JMJD1C: variants seen among roughly 807,000 people sequenced by gnomAD.
JMJD1C encodes the protein jumonji domain containing 1C, also known as jumonji domain-containing protein 1C.
A neutral mutation model predicts 245.3 loss-of-function variants in JMJD1C; 31 were observed. The ratio of observed to expected loss-of-function variants is 0.13; its 90% CI spans 0.09 to 0.17. JMJD1C has a LOEUF of 0.17. JMJD1C is among the 10% of genes least tolerant of loss of function. The pLI, the probability that JMJD1C is intolerant of heterozygous loss-of-function variation, is 1.00. For missense variants in JMJD1C, 2,691 were observed against 3,000.2 expected (o/e 0.90, Z 2.41); for synonymous variants, 1,057 against 1,017.4 (o/e 1.04, Z -0.74).
At chr10:63,521,876 G>T (rs1486535972), upstream of JMJD1C, 1 of 162,512 alleles carries the variant, frequency 6.2e-6, no homozygotes, top group Non-Finnish European at 1.3e-5. Context: ...GGCGGCGCTG[G>T]GTGGGCAGGC....
intron 18 of JMJD1C, among the ~76,000 whole-genome samples, chr10:63,187,903 TATATAAGGGC>T (rs1844320700): frequency 6.6e-6 from 1 of 152,184 alleles, no homozygotes; most frequent in Non-Finnish European, 1.5e-5. Context: ...CTTAGCATGA[TATATAAGGGC>T]ATTTCATGAT....
chr10:63,519,268 C>T (rs1205399304), intron 1 of JMJD1C, among the ~76,000 whole-genome samples: 1 of 152,194 alleles, frequency 6.6e-6, no homozygotes, highest in Non-Finnish European at 1.5e-5. Context: ...ACCTAGGTTG[C>T]CTTCAGCAAC....
At chr10:63,306,145 A>C (rs1024110517) in intron 2 of JMJD1C, among the ~76,000 whole-genome samples, 3 of 152,136 alleles carry the variant, frequency 2.0e-5, no homozygotes, top group Middle Eastern at 3.4e-3. Flanking sequence ...GCTGGAGTGC[A>C]CTGGTGTGAT....
At chr10:63,270,770 A>G (rs1306262868) in intron 2 of JMJD1C, among the ~76,000 whole-genome samples, 2 of 152,112 alleles carry the variant, frequency 1.3e-5, no homozygotes, top group Admixed American at 6.5e-5. Context: ...GACAGGCCTT[A>G]TAGTAATTTC....
At chr10:63,382,957 A>G in intron 1 of JMJD1C, 1 of 411,064 alleles carries the variant, frequency 2.4e-6, no homozygotes, top group South Asian at 1.7e-5. Flanking sequence ...GTATTAGTAT[A>G]TAAGCAAATA....
intron 3 of JMJD1C, among the ~76,000 whole-genome samples, chr10:63,262,885 T>A (rs2133763564): frequency 6.6e-6 from 1 of 152,204 alleles, no homozygotes; most frequent in South Asian, 2.1e-4. Flanking sequence ...CATGTCGAGT[T>A]TTAGGCCACC....
chr10:63,459,315 T>C (rs1467587965), intron 1 of JMJD1C, among the ~76,000 whole-genome samples: 1 of 152,198 alleles, frequency 6.6e-6, no homozygotes. Flanking sequence ...TAAAGAATAG[T>C]GGACCTACAG....
Position 63,500,661 on chromosome 10 carries a change from G to A in JMJD1C, n.113+21077C>T, listed in dbSNP as rs144597402. On this transcript the variant is annotated intron_variant and non_coding_transcript_variant, in intron 1 of 3. Transcript: ENST00000633035. ...GCAGGAGAATCGCTTGGACCTGGGA[G>A]GCAGAGGTTGCAGTGAGCTGAGATC... Among the ~76,000 whole-genome samples, 490 of 152,248 alleles carry A rather than the reference G, an allele frequency of 3.2e-3. 2 individuals are homozygous for A. Among genetic ancestry groups the A allele is most frequent in the African/African-American group, 0.011 (475 of 41,544 alleles).
intron 1 of JMJD1C, among the ~76,000 whole-genome samples, chr10:63,442,214 T>A (rs1439388464): frequency 6.6e-6 from 1 of 152,144 alleles, no homozygotes; most frequent in Non-Finnish European, 1.5e-5. Context: ...AAGCCCAGAG[T>A]AGGATGTCCT....
chr10:63,455,968 A>G (rs1952384453), intron 1 of JMJD1C, among the ~76,000 whole-genome samples: 1 of 152,054 alleles, frequency 6.6e-6, no homozygotes, highest in South Asian at 2.1e-4. Context: ...CTGTAAGCAT[A>G]TTTGCTTTTT....
rs559685973 is a variant in JMJD1C, at chr10:63,283,025, TTTC to T, written c.334-18264_334-18262del. Among the ~76,000 whole-genome samples, 104 of 152,244 alleles carry T rather than the reference TTTC, an allele frequency of 6.8e-4. 2 individuals carry two copies. In the South Asian group the frequency reaches 0.022, roughly 32 times the overall value. ...AGCCACAGCGCCCAGCCCTCTAGGT[TTTC>T]TTAATTCAGGTCAGTTTCACTGAAG... On this transcript the variant is annotated intron_variant, in intron 2 of 25. Transcript: ENST00000399262.
intron 2 of JMJD1C, among the ~76,000 whole-genome samples, chr10:63,287,453 AAAAC>A (rs1164675663): frequency 1.1e-4 from 16 of 152,264 alleles, no homozygotes; most frequent in Admixed American, 5.9e-4. Flanking sequence ...GAAACATTAG[AAAAC>A]AAACAAACAA....
intron 2 of JMJD1C, among the ~76,000 whole-genome samples, chr10:63,301,528 G>A (rs764405172): frequency 2.0e-5 from 3 of 152,112 alleles, no homozygotes; most frequent in Non-Finnish European, 4.4e-5. Flanking sequence ...TAAAACAAAT[G>A]GCTAATCATT....
chr10:63,388,760 T>C (rs1947822240), intron 1 of JMJD1C, among the ~76,000 whole-genome samples: 1 of 152,098 alleles, frequency 6.6e-6, no homozygotes, highest in African/African-American at 2.4e-5. Context: ...TGATTTAAAA[T>C]AATGGCACAA....
At chr10:63,419,421 A>C (rs1949991100) in intron 1 of JMJD1C, among the ~76,000 whole-genome samples, 1 of 152,056 alleles carries the variant, frequency 6.6e-6, no homozygotes, top group African/African-American at 2.4e-5. Context: ...GATATACTTT[A>C]AGTTTGGGGG....
At chr10:63,467,184 G>A (rs779983385), upstream of JMJD1C, among the ~76,000 whole-genome samples, 4 of 152,120 alleles carry the variant, frequency 2.6e-5, no homozygotes, top group Non-Finnish European at 4.4e-5. Flanking sequence ...TAATAATCAT[G>A]GTCAAATTTT....
intron 2 of JMJD1C, among the ~76,000 whole-genome samples, chr10:63,289,040 A>G (rs1420116204): frequency 1.3e-5 from 2 of 151,832 alleles, no homozygotes; most frequent in African/African-American, 4.8e-5. Context: ...AGTTCTTGCA[A>G]TAAATTGATT....
At chr10:63,484,574 G>A (rs1953934459) in intron 1 of JMJD1C, among the ~76,000 whole-genome samples, 2 of 151,764 alleles carry the variant, frequency 1.3e-5, no homozygotes, top group African/African-American at 4.8e-5. Flanking sequence ...AAAAAATGGA[G>A]TTGAAAACAT....
intron 1 of JMJD1C, among the ~76,000 whole-genome samples, chr10:63,476,340 A>C (rs1182172066): frequency 6.6e-6 from 1 of 151,838 alleles, no homozygotes; most frequent in Non-Finnish European, 1.5e-5. Context: ...AGCAAGACTA[A>C]TTCAACCCTC....
Sources: allele counts gnomAD v4.1 joint callset (sites outside exome capture counted in the v4.1 genomes callset), GRCh38; gene constraint gnomAD v4.1.1; transcripts MANE v1.5; gene names NCBI Gene and HGNC (gene_info 2026-07-23, HGNC 2026-07-21).